BPIFA3: variants seen among roughly 807,000 people sequenced by gnomAD.
BPIFA3 encodes BPI fold containing family A member 3, also known as BPI fold-containing family A member 3.
A neutral mutation model predicts 29.7 loss-of-function variants in BPIFA3; 32 were observed. The observed-to-expected ratio is 1.08, with a 90% CI of 0.81 to 1.45. The LOEUF is 1.45. BPIFA3 is among the 40% of genes most tolerant of loss of function. The pLI, the probability that BPIFA3 is intolerant of heterozygous loss-of-function variation, is 0.00. For missense variants in BPIFA3, 323 were observed against 311.3 expected (o/e 1.04, Z -0.28); for synonymous variants, 112 against 113.7 (o/e 0.98, Z 0.10).
At chr20:33,223,761 C>A (rs1317748291) in intron 1 of BPIFA3, 50 bp from the exon 2 acceptor site, 15 of 1,576,242 alleles carry the variant, frequency 9.5e-6, no homozygotes, top group Admixed American at 1.7e-5. Flanking sequence ...CCAAGCCCCC[C>A]ACCTTTTCCG....
rs41301835 is a variant in BPIFA3, at chr20:33,223,520, C to T, written c.128-291C>T. The T allele has an allele frequency of 3.2e-3, 954 of 294,962 alleles. 4 individuals are homozygous for T. Among genetic ancestry groups the T allele is most frequent in the Non-Finnish European group, 4.6e-3 (707 of 154,964 alleles). The allele number at this position is 294,962 out of a possible 1,614,324, so 18.3% of individuals were successfully genotyped here. A position where few individuals can be genotyped will look rare whatever the true frequency, so the allele number is the denominator to read the frequency against. ...TGATCTACATCCTGTATGTTAGCTC[C>T]GTGCTCCAGACTGAAATACAGTGTT... On this transcript the variant is annotated intron_variant, in intron 1 of 6. Transcript: ENST00000375454.
Position 33,217,376 on chromosome 20 carries a change from C to A in BPIFA3, c.-161C>A. 1.2e-6 allele frequency: 1 copy of A among 866,198 alleles called. No homozygotes were observed. The highest frequency in any genetic ancestry group is 1.7e-6 in the Non-Finnish European group (1 of 598,706). The allele number at this position is 866,198 out of a possible 1,614,324, so 53.7% of individuals were successfully genotyped here. A position where few individuals can be genotyped will look rare whatever the true frequency, so the allele number is the denominator to read the frequency against. On this transcript the variant is annotated 5_prime_UTR_variant, in exon 1 of 7. Coordinates refer to ENST00000375454, the MANE Select transcript of BPIFA3 (RefSeq NM_178466.5). ...CAATGTGAGCAAGCCCTGGTGGCAG[C>A]GCCAGGGTCCAGTGCAGCCCCTCCC... is the stretch of plus-strand genomic sequence containing the variant.
chr20:33,227,674 G>A lies in BPIFA3; in HGVS notation c.*57G>A. 1 of 1,463,750 alleles carries A rather than the reference G, an allele frequency of 6.8e-7. No homozygotes were observed. 90.7% of individuals were successfully genotyped at this position (1,463,750 alleles called of 1,614,324 possible). A position where few individuals can be genotyped will look rare whatever the true frequency, so the allele number is the denominator to read the frequency against. ...TGCAACCTTAAGTCTCCCTTAGAGT[G>A]GGGCTTCTGCTACCCTAAAAACTTT... On this transcript the variant is annotated 3_prime_UTR_variant, in exon 7 of 7. Coordinates refer to ENST00000375454, the MANE Select transcript of BPIFA3 (RefSeq NM_178466.5).
rs1278301304 is a variant in BPIFA3, at chr20:33,226,421, G to A, written c.552G>A (p.Lys184=). 1 of 1,612,478 alleles carries A rather than the reference G, an allele frequency of 6.2e-7. No homozygotes were observed. Among genetic ancestry groups the A allele is most frequent in the Non-Finnish European group, 8.5e-7 (1 of 1,178,892 alleles). Residue 184 remains lysine, a synonymous_variant, in exon 5 of 7, where the codon AAG becomes AAA. Transcript: ENST00000375454. ...TTCTTTCTAGGGCTATCCCACCAAA[G>A]ATGAATCAGTTTCTCTACAACCTCA... ...VAILTEAIPP[K]MNQFLYNLKE...
Position 33,224,226 on chromosome 20 carries a change from A to G in BPIFA3, c.279-129A>G, listed in dbSNP as rs1985666317. 3.5e-6 allele frequency: 3 copies of G among 863,864 alleles called. No individual in the cohort carries two copies. In the South Asian group the frequency reaches 5.1e-5, roughly 15 times the overall value. 53.5% of individuals were successfully genotyped at this position (863,864 alleles called of 1,614,324 possible). A position where few individuals can be genotyped will look rare whatever the true frequency, so the allele number is the denominator to read the frequency against. On this transcript the variant is annotated intron_variant, in intron 2 of 6. Coordinates refer to ENST00000375454, the MANE Select transcript of BPIFA3 (RefSeq NM_178466.5). ...TGACTCTTGCCCTCAGAGCATCTGT[A>G]AAAGAATCACAGTCCAAATCCCATT... is the stretch of plus-strand genomic sequence containing the variant.
At chr20:33,221,316 C>G (rs1275932119) in intron 1 of BPIFA3, among the ~76,000 whole-genome samples, 1 of 152,092 alleles carries the variant, frequency 6.6e-6, no homozygotes, top group East Asian at 1.9e-4. Flanking sequence ...ACTACCACGA[C>G]CTACTGATTT....
At chr20:33,217,724 T>A (rs1985332009) in intron 1 of BPIFA3, 61 bp downstream of exon 1, 12 of 1,559,918 alleles carry the variant, frequency 7.7e-6, no homozygotes, top group Non-Finnish European at 1.0e-5. Context: ...GAAGGTGCCA[T>A]CTGGGCTCCA....
chr20:33,223,727 G>A (rs1985631601), intron 1 of BPIFA3, 84 bp from the exon 2 acceptor site: 1 of 1,496,116 alleles, frequency 6.7e-7, no homozygotes. Flanking sequence ...TCTTGCACCA[G>A]CCTGCAACCC....
Position 33,225,153 on chromosome 20 carries a change from T to G in BPIFA3, c.442T>G (p.Phe148Val), listed in dbSNP as rs146096538. ...MCAHMSIVVE[F>V]WLEKDEFGRR... The stretch of plus-strand genomic sequence containing the variant: ...TGCACATATGAGCATCGTTGTGGAG[T>G]TCTGGCTGGAGAAAGACGAGTTTGG... Residue 148 changes from phenylalanine (F) to valine (V), a missense_variant, in exon 4 of 7, where the codon TTC becomes GTC. Transcript: ENST00000375454. The G allele has an allele frequency of 5.6e-6, 9 of 1,613,890 alleles. No individual in the cohort carries two copies. The highest frequency in any genetic ancestry group is 7.6e-6 in the Non-Finnish European group (9 of 1,179,984).
At chr20:33,217,350 C>A, upstream of BPIFA3, 1 of 654,606 alleles carries the variant, frequency 1.5e-6, no homozygotes. Context: ...TGTTGCTCTC[C>A]CAATGTGAGC....
intron 1 of BPIFA3, among the ~76,000 whole-genome samples, chr20:33,220,136 C>T (rs1175970286): frequency 6.7e-6 from 1 of 148,748 alleles, no homozygotes; most frequent in Non-Finnish European, 1.5e-5. Flanking sequence ...CAGTGGCTCA[C>T]GCCTGTAATC....
At chr20:33,227,514 A>G in intron 6 of BPIFA3, 24 bp from the exon 7 acceptor site, 1 of 1,600,484 alleles carries the variant, frequency 6.2e-7, no homozygotes, top group Non-Finnish European at 8.6e-7. Context: ...CACTGGTGAC[A>G]GACGCTACCT....
intron 2 of BPIFA3, 40 bp from the exon 3 acceptor site, chr20:33,224,315 T>A (rs1356944894): frequency 1.3e-6 from 2 of 1,535,980 alleles, no homozygotes; most frequent in Non-Finnish European, 1.8e-6. Context: ...TGTTCTGAAG[T>A]CCCTCACCCT....
intron 1 of BPIFA3, among the ~76,000 whole-genome samples, chr20:33,217,953 G>A (rs546394087): frequency 2.0e-5 from 3 of 152,250 alleles, no homozygotes; most frequent in Admixed American, 6.5e-5. Flanking sequence ...GGCAGGCATT[G>A]CAGCGTGTTT....
intron 1 of BPIFA3, among the ~76,000 whole-genome samples, chr20:33,219,832 G>A (rs1985426632): frequency 6.6e-6 from 1 of 152,198 alleles, no homozygotes; most frequent in African/African-American, 2.4e-5. Context: ...GTCTGGCCGA[G>A]CACGGTGGCT....
chr20:33,222,977 C>A (rs1490480089), intron 1 of BPIFA3, among the ~76,000 whole-genome samples: 1 of 152,168 alleles, frequency 6.6e-6, no homozygotes, highest in Non-Finnish European at 1.5e-5. Flanking sequence ...ATATTCCTCA[C>A]AAGAACCCTG....
chr20:33,227,067 A>G, intron 6 of BPIFA3, 74 bp downstream of exon 6: 3 of 1,395,156 alleles, frequency 2.2e-6, no homozygotes, highest in Non-Finnish European at 3.1e-6. Flanking sequence ...CCGGCCCTGG[A>G]GCCCCCAGGG....
intron 3 of BPIFA3, 46 bp downstream of exon 3, chr20:33,224,508 C>G (rs777522252): frequency 6.8e-7 from 1 of 1,463,244 alleles, no homozygotes; most frequent in African/African-American, 1.4e-5. Context: ...GCCCTCCTCG[C>G]AGGGAACCTG....
rs1343867903 is a variant in BPIFA3 at position 33,219,412 on chromosome 20, A to C, written c.127+1749A>C. On this transcript the variant is annotated intron_variant, in intron 1 of 6. Coordinates refer to ENST00000375454, the MANE Select transcript of BPIFA3 (RefSeq NM_178466.5). ...CTTCACTGAACAGGAATATTTTCAA[A>C]TTCATCAATATTTTGTTTTATAGTT... is the stretch of plus-strand genomic sequence containing the variant. Among the ~76,000 whole-genome samples, 11 of 152,290 alleles carry C rather than the reference A, an allele frequency of 7.2e-5. No individual in the cohort carries two copies. In the East Asian group the frequency reaches 1.9e-3, roughly 27 times the overall value.
Sources: allele counts gnomAD v4.1 joint callset (sites outside exome capture counted in the v4.1 genomes callset), GRCh38; gene constraint gnomAD v4.1.1; transcripts MANE v1.5; gene names NCBI Gene and HGNC (gene_info 2026-07-23, HGNC 2026-07-21).